The following IL12RB2 variants were observed in gnomAD, a reference collection of about 807,000 sequenced individuals.
IL12RB2 encodes interleukin-12 receptor subunit beta-2.
In IL12RB2, 82 loss-of-function variants were observed where a neutral mutation model predicts 89.4. The ratio of observed to expected loss-of-function variants is 0.92; its 90% CI spans 0.77 to 1.10. The LOEUF is 1.10. Ranked by LOEUF, IL12RB2 falls within the 50% of genes least tolerant of loss-of-function variation. The probability of loss-of-function intolerance (pLI) is 0.00; values close to 1 mark genes in which losing one functional copy is unlikely to be tolerated. For missense variants in IL12RB2, 963 were observed against 1,031.9 expected, an observed-to-expected ratio of 0.93 and a Z score of 0.92; for synonymous variants, 368 against 370.1, an observed-to-expected ratio of 0.99 and a Z score of 0.07.
intron 1 of IL12RB2, among the ~76,000 whole-genome samples, chr1:67,310,721 TTTTG>T (rs1654933601): frequency 6.6e-6 from 1 of 152,108 alleles, no homozygotes; most frequent in African/African-American, 2.4e-5. Flanking sequence ...GGTGCTGGTT[TTTTG>T]TTTGTTTGTT....
intron 13 of IL12RB2, among the ~76,000 whole-genome samples, chr1:67,373,088 A>C (rs1169640343): frequency 6.6e-6 from 1 of 152,170 alleles, no homozygotes; most frequent in African/African-American, 2.4e-5. Flanking sequence ...AACAAACAAT[A>C]AAGTCACTTC....
At chr1:67,324,278 G>A (rs187182598) in intron 4 of IL12RB2, among the ~76,000 whole-genome samples, 60 of 152,188 alleles carry the variant, frequency 3.9e-4, no homozygotes, top group African/African-American at 1.2e-3. Flanking sequence ...GCTGGAGTGC[G>A]GTGGCGCAAT....
At chr1:67,310,788 G>A (rs184613236) in intron 1 of IL12RB2, among the ~76,000 whole-genome samples, 7 of 152,174 alleles carry the variant, frequency 4.6e-5, no homozygotes, top group African/African-American at 7.2e-5. Flanking sequence ...GCAGTGGTGC[G>A]ATCTTGGCTC....
At chr1:67,364,595 TA>T (rs1662476642) in intron 10 of IL12RB2, among the ~76,000 whole-genome samples, 1 of 152,120 alleles carries the variant, frequency 6.6e-6, no homozygotes, top group East Asian at 1.9e-4. Context: ...AAAGAAAACA[TA>T]ACAATCTTTA....
intron 9 of IL12RB2, among the ~76,000 whole-genome samples, chr1:67,342,811 G>A (rs1171830843): frequency 7.3e-6 from 1 of 136,290 alleles, no homozygotes; most frequent in African/African-American, 2.6e-5. Flanking sequence ...CCAGGCTGAA[G>A]TGTGGTGGCA....
intron 1 of IL12RB2, among the ~76,000 whole-genome samples, chr1:67,310,184 C>CAAA (rs890229904): frequency 6.8e-4 from 25 of 36,568 alleles, no homozygotes; most frequent in South Asian, 1.4e-3. Flanking sequence ...AACTTCATCT[C>CAAA]AAAAAAAAAA....
intron 1 of IL12RB2, among the ~76,000 whole-genome samples, chr1:67,308,426 G>A (rs985692199): frequency 6.6e-6 from 1 of 152,058 alleles, no homozygotes; most frequent in African/African-American, 2.4e-5. Context: ...TATTGGGGGG[G>A]GCCTTCCGTA....
chr1:67,369,881 GCGT>G (rs1385928686), intron 11 of IL12RB2, among the ~76,000 whole-genome samples: 1 of 151,992 alleles, frequency 6.6e-6, no homozygotes, highest in Admixed American at 6.6e-5. Flanking sequence ...AATTAGCTGG[GCGT>G]GGTGGTGGGC....
At position 67,372,014 on chromosome 1, in the gene IL12RB2, G is replaced by GT. The variant is rs1214658651; in HGVS notation, c.1460-414dup. On this transcript the variant is annotated intron_variant, in intron 11 of 16. Coordinates refer to ENST00000674203, the MANE Select transcript of IL12RB2 (RefSeq NM_001374259.2). ...ATGCTTTATTTGTAGGAATCAAAAG[G>GT]TTTTTTTTCTTGAAGGCAAGTTGTT... Among the ~76,000 whole-genome samples the GT allele has an allele frequency of 2.6e-5, 4 of 151,842 alleles. No homozygotes were observed. In the South Asian group the frequency reaches 8.3e-4, roughly 32 times the overall value.
intron 13 of IL12RB2, among the ~76,000 whole-genome samples, chr1:67,379,300 A>G (rs1664314984): frequency 6.6e-6 from 1 of 151,662 alleles, no homozygotes; most frequent in African/African-American, 2.4e-5. Context: ...ACTTGAGGTC[A>G]GGAGTTCGAG....
Position 67,308,459 on chromosome 1 carries a change from C to G in IL12RB2, c.-125+492C>G, listed in dbSNP as rs369484831. On this transcript the variant is annotated intron_variant, in intron 1 of 16. Transcript: ENST00000674203. ...GTAGTCCCGGATGAGGGTGAACTAA[C>G]CTTGTCTCAGCAGTCTTTCCTGTGG... 1.1e-4 allele frequency among the ~76,000 whole-genome samples: 16 copies of G among 152,272 alleles called. No homozygotes were observed. The South Asian group carries it at 3.1e-3, about 30-fold the overall frequency.
intron 15 of IL12RB2, among the ~76,000 whole-genome samples, chr1:67,389,010 A>G (rs910251539): frequency 3.3e-5 from 5 of 152,166 alleles, no homozygotes; most frequent in African/African-American, 1.2e-4. Context: ...CTTCATGGAA[A>G]TTGTGAAGAT....
chr1:67,381,331 T>C (rs539590473), intron 14 of IL12RB2, among the ~76,000 whole-genome samples: 1 of 152,358 alleles, frequency 6.6e-6, no homozygotes, highest in East Asian at 1.9e-4. Context: ...GCATCTGCTC[T>C]AAGCATAAAA....
Position 67,321,827 on chromosome 1 carries a change from G to A in IL12RB2, c.302G>A (p.Cys101Tyr), listed in dbSNP as rs1315332311. Residue 101 changes from cysteine to tyrosine, a missense_variant, in exon 4 of 17, where the codon TGC becomes TAC. Coordinates refer to ENST00000674203, the MANE Select transcript of IL12RB2 (RefSeq NM_001374259.2). ...GLPLGTTLFV[C>Y]KLACINSDEI... is the part of the protein sequence containing the mutation. The stretch of plus-strand genomic sequence containing the variant: ...CCCCTTGGTACAACCTTGTTTGTCT[G>A]CAAACTGGCCTGTATCAATAGTGAT... 4 of 1,613,326 alleles carry A rather than the reference G, an allele frequency of 2.5e-6. No individual in the cohort carries two copies. The South Asian group carries it at 4.4e-5, about 18-fold the overall frequency.
At chr1:67,362,584 A>G (rs1451180743) in intron 10 of IL12RB2, among the ~76,000 whole-genome samples, 1 of 149,942 alleles carries the variant, frequency 6.7e-6, no homozygotes, top group Non-Finnish European at 1.5e-5. Context: ...AAAAAAAAAA[A>G]AAAAAAAAGA....
rs1044702002 is a variant in IL12RB2 at position 67,326,932 on chromosome 1, TTTTTA to T, written c.479+97_479+101del. 13 of 1,054,756 alleles carry T rather than the reference TTTTTA, an allele frequency of 1.2e-5. No homozygotes were observed. The African/African-American group carries it at 1.4e-4, about 11-fold the overall frequency. 65.3% of individuals were successfully genotyped at this position (1,054,756 alleles called of 1,614,324 possible). A position where few individuals can be genotyped will look rare whatever the true frequency, so the allele number is the denominator to read the frequency against. ...TAGAAATATCTGTTTTCTTTATTTA[TTTTTA>T]TTTTATTTTATTTATTTATTTATTT... On this transcript the variant is annotated intron_variant, in intron 5 of 16. Coordinates refer to ENST00000674203, the MANE Select transcript of IL12RB2 (RefSeq NM_001374259.2).
intron 13 of IL12RB2, among the ~76,000 whole-genome samples, chr1:67,374,542 C>G (rs1663737369): frequency 6.7e-6 from 1 of 149,792 alleles, no homozygotes. Flanking sequence ...ATGGCACGAT[C>G]TCAGCTTACT....
chr1:67,314,926 T>C (rs1655574051), intron 2 of IL12RB2, among the ~76,000 whole-genome samples: 1 of 151,530 alleles, frequency 6.6e-6, no homozygotes, highest in African/African-American at 2.4e-5. Flanking sequence ...CACTCTTTGA[T>C]TTTCTGATTC....
At chr1:67,384,005 AGGTGCAT>A (rs1361796966) in intron 14 of IL12RB2, among the ~76,000 whole-genome samples, 3 of 152,182 alleles carry the variant, frequency 2.0e-5, no homozygotes, top group Admixed American at 2.0e-4. Context: ...CAGCTTTTCC[AGGTGCAT>A]GGTGCAAGCT....
Sources: gnomAD v4.1 joint callset for allele counts (sites outside exome capture counted in the v4.1 genomes callset) on GRCh38, gnomAD v4.1.1 for gene constraint, MANE v1.5 for transcripts, NCBI Gene and HGNC (gene_info 2026-07-23, HGNC 2026-07-21) for gene names.